The following MARCHF4 variants were observed in gnomAD, a reference collection of about 807,000 sequenced individuals.
MARCHF4 encodes membrane associated ring-CH-type finger 4.
In MARCHF4, 14 loss-of-function variants were observed where a neutral mutation model predicts 43.9. That is an observed-to-expected ratio of 0.32 (90% CI 0.21 to 0.50). The LOEUF is 0.50. MARCHF4 is among the 20% of genes least tolerant of loss of function. The pLI, the probability that MARCHF4 is intolerant of heterozygous loss-of-function variation, is 0.98. For missense variants in MARCHF4, 468 were observed against 536.7 expected, an observed-to-expected ratio of 0.87 and a Z score of 1.27; for synonymous variants, 226 against 213.3, an observed-to-expected ratio of 1.06 and a Z score of -0.52.
intron 1 of MARCHF4, among the ~76,000 whole-genome samples, chr2:216,363,032 C>G (rs952973567): frequency 6.6e-6 from 1 of 152,178 alleles, no homozygotes; most frequent in Non-Finnish European, 1.5e-5. Flanking sequence ...CTCCCTCCCC[C>G]ATCTCACAGG....
At chr2:216,363,093 A>G (rs1692611956) in intron 1 of MARCHF4, among the ~76,000 whole-genome samples, 1 of 152,168 alleles carries the variant, frequency 6.6e-6, no homozygotes, top group Non-Finnish European at 1.5e-5. Context: ...GCAGAAAGAG[A>G]GGAGAAAGAG....
At position 216,259,203 on chromosome 2, in the gene MARCHF4, C is replaced by A; in HGVS notation, c.*109G>T. 6 of 1,470,562 alleles carry A rather than the reference C, an allele frequency of 4.1e-6. No individual in the cohort carries two copies. In the South Asian group the frequency reaches 8.9e-5, roughly 22 times the overall value. The allele number at this position is 1,470,562 out of a possible 1,614,324, so 91.1% of individuals were successfully genotyped here. Reference sequence around the variant, plus strand: ...ACTACCCCAGGGCTCCCGCCAGGTCCCCCACCCTCTGCCTGCTCCCTCTGT... The same window carrying A: ...ACTACCCCAGGGCTCCCGCCAGGTCACCCACCCTCTGCCTGCTCCCTCTGT... On this transcript the variant is annotated 3_prime_UTR_variant, in exon 4 of 4. Coordinates refer to ENST00000273067, the MANE Select transcript of MARCHF4 (RefSeq NM_020814.3).
intron 3 of MARCHF4, among the ~76,000 whole-genome samples, chr2:216,275,631 G>C (rs1413519877): frequency 6.6e-6 from 1 of 152,174 alleles, no homozygotes; most frequent in Non-Finnish European, 1.5e-5. Flanking sequence ...TGACATGGTG[G>C]TCTCTTCTAT....
intron 3 of MARCHF4, among the ~76,000 whole-genome samples, chr2:216,272,232 G>A (rs1690949987): frequency 2.0e-5 from 3 of 152,200 alleles, no homozygotes; most frequent in South Asian, 4.1e-4. Flanking sequence ...CTCACCTGAA[G>A]AACCTTTCAC....
intron 1 of MARCHF4, among the ~76,000 whole-genome samples, chr2:216,340,343 C>A (rs765698424): frequency 2.0e-5 from 3 of 152,062 alleles, no homozygotes; most frequent in Non-Finnish European, 4.4e-5. Flanking sequence ...GAATATAAAC[C>A]CCATAGTGAT....
At position 216,321,266 on chromosome 2, in the gene MARCHF4, G is replaced by A. The variant is rs73066449; in HGVS notation, c.517-37537C>T. 7.3e-3 allele frequency among the ~76,000 whole-genome samples: 1,116 copies of A among 152,184 alleles called. 12 individuals carry two copies. Among genetic ancestry groups the A allele is most frequent in the African/African-American group, 0.025 (1,058 of 41,508 alleles). ...GATACCGACTATGTGCCAGGCAATA[G>A]GAATGCAATGGTAAATACAAATAGA... is the stretch of plus-strand genomic sequence containing the variant. On this transcript the variant is annotated intron_variant, in intron 1 of 3. Transcript: ENST00000273067.
intron 1 of MARCHF4, among the ~76,000 whole-genome samples, chr2:216,346,957 G>T (rs547295359): frequency 8.5e-5 from 13 of 152,280 alleles, no homozygotes; most frequent in African/African-American, 3.1e-4. Flanking sequence ...TAGTGAGTGA[G>T]TTATTGCGGG....
intron 1 of MARCHF4, among the ~76,000 whole-genome samples, chr2:216,337,857 T>G (rs1692180884): frequency 6.6e-6 from 1 of 152,196 alleles, no homozygotes; most frequent in East Asian, 1.9e-4. Context: ...ATCCTCTAAC[T>G]GTTGAGTGGC....
At chr2:216,368,473 T>G (rs1336973439) in intron 1 of MARCHF4, among the ~76,000 whole-genome samples, 1 of 152,218 alleles carries the variant, frequency 6.6e-6, no homozygotes, top group Non-Finnish European at 1.5e-5. Context: ...TCTATATCAC[T>G]TCCCCTCATA....
chr2:216,267,336 T>G (rs992339917), intron 3 of MARCHF4, among the ~76,000 whole-genome samples: 1 of 151,986 alleles, frequency 6.6e-6, no homozygotes, highest in Non-Finnish European at 1.5e-5. Flanking sequence ...CCAATAAAAA[T>G]AAAAACAAAG....
intron 1 of MARCHF4, among the ~76,000 whole-genome samples, chr2:216,294,028 G>A (rs1369394357): frequency 6.6e-6 from 1 of 152,172 alleles, no homozygotes; most frequent in Admixed American, 6.5e-5. Context: ...CCTGCTCTCA[G>A]TTCTCCCCCT....
chr2:216,281,980 A>G (rs207817), intron 2 of MARCHF4, among the ~76,000 whole-genome samples: 112,282 of 152,050 alleles, frequency 0.74, 42,533 homozygotes, highest in Non-Finnish European at 0.84. Flanking sequence ...AAGGAAGGGT[A>G]CTTTGGGGTG....
At chr2:216,327,215 A>G (rs553632038) in intron 1 of MARCHF4, among the ~76,000 whole-genome samples, 4 of 151,696 alleles carry the variant, frequency 2.6e-5, no homozygotes, top group Middle Eastern at 3.4e-3. Context: ...GGACAGTTCA[A>G]TACATTTTGA....
intron 1 of MARCHF4, among the ~76,000 whole-genome samples, chr2:216,324,234 C>T (rs1343158919): frequency 2.0e-4 from 29 of 146,258 alleles, no homozygotes; most frequent in Non-Finnish European, 3.6e-4. Flanking sequence ...ATAAATTCCT[C>T]GACACATACA....
intron 1 of MARCHF4, among the ~76,000 whole-genome samples, chr2:216,289,646 T>C (rs1327398953): frequency 6.6e-6 from 1 of 152,248 alleles, no homozygotes; most frequent in East Asian, 1.9e-4. Flanking sequence ...GTCCCTAGCT[T>C]ACCTGGTTGC....
At chr2:216,277,561 G>A in intron 3 of MARCHF4, 111 bp downstream of exon 3, 1 of 1,171,076 alleles carries the variant, frequency 8.5e-7, no homozygotes, top group East Asian at 2.4e-5. Flanking sequence ...CAGTTCTCAA[G>A]CCTGGGGCCA....
At chr2:216,312,518 A>AAT (rs1436017740) in intron 1 of MARCHF4, among the ~76,000 whole-genome samples, 1 of 152,160 alleles carries the variant, frequency 6.6e-6, no homozygotes, top group Non-Finnish European at 1.5e-5. Context: ...ACAGTGTATA[A>AAT]GCATTCCCTT....
chr2:216,291,967 C>T (rs1340735052), intron 1 of MARCHF4, among the ~76,000 whole-genome samples: 6 of 152,228 alleles, frequency 3.9e-5, no homozygotes, highest in African/African-American at 1.2e-4. Context: ...TCTGTCTCTT[C>T]TCCCACCCAC....
chr2:216,329,723 C>T (rs879752057), intron 1 of MARCHF4, among the ~76,000 whole-genome samples: 10 of 150,410 alleles, frequency 6.6e-5, no homozygotes, highest in South Asian at 4.3e-4. Context: ...AATGAAAATA[C>T]GAATACGGTC....
Sources: allele counts gnomAD v4.1 joint callset (sites outside exome capture counted in the v4.1 genomes callset), GRCh38; gene constraint gnomAD v4.1.1; transcripts MANE v1.5; gene names NCBI Gene and HGNC (gene_info 2026-07-23, HGNC 2026-07-21).